Variants in NUDCD1 observed in about 807,000 individuals in gnomAD.
NUDCD1 encodes NudC domain containing 1.
A neutral mutation model predicts 67.8 loss-of-function variants in NUDCD1; 60 were observed. The ratio of observed to expected loss-of-function variants is 0.88; its 90% confidence interval spans 0.72 to 1.10. The LOEUF (loss-of-function observed/expected upper bound fraction) is 1.10, where lower values mean the gene tolerates loss of function less well. Ranked by LOEUF, NUDCD1 falls within the 50% of genes least tolerant of loss-of-function variation. The pLI, the probability that NUDCD1 is intolerant of heterozygous loss-of-function variation, is 0.00. For synonymous variants in NUDCD1, 244 were observed against 230.8 expected (o/e 1.06, Z -0.52); for missense variants, 643 against 695.0 (o/e 0.93, Z 0.84).
chr8:109,304,512 T>C (rs1363711443), intron 2 of NUDCD1, among the ~76,000 whole-genome samples: 1 of 152,200 alleles, frequency 6.6e-6, no homozygotes, highest in Non-Finnish European at 1.5e-5. Context: ...CTCAGCAAGC[T>C]GAACTCATTG....
chr8:109,251,976 T>C (rs138312371), intron 8 of NUDCD1, among the ~76,000 whole-genome samples: 1 of 152,312 alleles, frequency 6.6e-6, no homozygotes, highest in East Asian at 1.9e-4. Context: ...ATGTTTTAAC[T>C]TTCCTTTTGA....
At chr8:109,299,607 A>G (rs1814927221) in intron 2 of NUDCD1, among the ~76,000 whole-genome samples, 1 of 152,146 alleles carries the variant, frequency 6.6e-6, no homozygotes, top group African/African-American at 2.4e-5. Context: ...GAAATGCCCA[A>G]GGAGAGCCTG....
intron 8 of NUDCD1, among the ~76,000 whole-genome samples, chr8:109,260,337 T>A (rs902735053): frequency 6.6e-6 from 1 of 152,160 alleles, no homozygotes; most frequent in African/African-American, 2.4e-5. Context: ...TAGGACTAGA[T>A]GTGTGCACCA....
intron 2 of NUDCD1, among the ~76,000 whole-genome samples, chr8:109,320,914 T>C (rs1445951983): frequency 6.6e-6 from 1 of 151,998 alleles, no homozygotes; most frequent in African/African-American, 2.4e-5. Context: ...ACCTACCACA[T>C]CTGGAAAGAC....
chr8:109,333,100 T>G (rs778288653), intron 1 of NUDCD1, among the ~76,000 whole-genome samples: 7 of 152,262 alleles, frequency 4.6e-5, no homozygotes, highest in African/African-American at 7.2e-5. Flanking sequence ...TAAATATTTC[T>G]GAATTTAATA....
intron 8 of NUDCD1, among the ~76,000 whole-genome samples, chr8:109,261,169 C>A (rs767020378): frequency 1.3e-5 from 2 of 152,074 alleles, no homozygotes; most frequent in African/African-American, 2.4e-5. Flanking sequence ...GCCTATATGA[C>A]AGCATGCAAT....
chr8:109,288,374 A>C (rs1814623694), intron 5 of NUDCD1, among the ~76,000 whole-genome samples: 1 of 152,246 alleles, frequency 6.6e-6, no homozygotes, highest in Admixed American at 6.5e-5. Flanking sequence ...GGAATTCTAA[A>C]GACACATGAT....
chr8:109,274,108 G>T (rs114316792), intron 7 of NUDCD1, among the ~76,000 whole-genome samples: 1,687 of 152,096 alleles, frequency 0.011, 47 homozygotes, highest in African/African-American at 0.039. Flanking sequence ...GATAAAAGTC[G>T]ATTATTTTCC....
chr8:109,318,417 T>C (rs1815454050), intron 2 of NUDCD1, among the ~76,000 whole-genome samples: 2 of 152,226 alleles, frequency 1.3e-5, no homozygotes, highest in South Asian at 4.1e-4. Context: ...TTCATGCACA[T>C]ACACACAGAA....
chr8:109,333,381 C>T (rs764309177), intron 1 of NUDCD1, among the ~76,000 whole-genome samples: 9 of 152,198 alleles, frequency 5.9e-5, no homozygotes, highest in Non-Finnish European at 1.0e-4. Flanking sequence ...GAGATGTTCT[C>T]TACCAGAGTT....
rs755744660 is a variant in NUDCD1, at chr8:109,296,444, A to G, written c.399T>C (p.Thr133=). 3.1e-6 allele frequency: 5 copies of G among 1,613,736 alleles called. No individual in the cohort carries two copies. In the South Asian group the frequency reaches 4.4e-5, roughly 14 times the overall value. Reference sequence around the variant, plus strand: ...CTGTTCCAATGACATACAATCTTCCAGTTCCATCTGACAAGGTAACCCAGG... The same window carrying G: ...CTGTTCCAATGACATACAATCTTCCGGTTCCATCTGACAAGGTAACCCAGG... ...SSTWVTLSDG[T]GRLYVIGTGE... is the part of the protein sequence containing the mutation. Residue 133 remains threonine, a synonymous_variant, in exon 3 of 10, where the codon ACT becomes ACC. Transcript: ENST00000239690.
At chr8:109,271,389 T>A (rs138334499) in intron 7 of NUDCD1, among the ~76,000 whole-genome samples, 51 of 152,136 alleles carry the variant, frequency 3.4e-4, no homozygotes, top group African/African-American at 1.2e-3. Flanking sequence ...AAGAGAGAGA[T>A]GAAAGAACCA....
intron 8 of NUDCD1, among the ~76,000 whole-genome samples, chr8:109,270,070 G>T (rs1320205715): frequency 1.9e-5 from 1 of 53,466 alleles, no homozygotes; most frequent in African/African-American, 8.3e-5. Flanking sequence ...GCGGGGGCGG[G>T]GGGGGGGGGG....
At chr8:109,246,672 CTTT>C (rs1252115995) in intron 8 of NUDCD1, among the ~76,000 whole-genome samples, 1 of 152,178 alleles carries the variant, frequency 6.6e-6, no homozygotes, top group East Asian at 1.9e-4. Flanking sequence ...GGATAGTCTT[CTTT>C]ATGAGAAATG....
At chr8:109,303,554 C>T (rs548295488) in intron 2 of NUDCD1, among the ~76,000 whole-genome samples, 11 of 152,190 alleles carry the variant, frequency 7.2e-5, no homozygotes, top group Middle Eastern at 3.4e-3. Context: ...TCACCTGCCC[C>T]GCTCCCTTAT....
chr8:109,314,935 C>T (rs1342747735), intron 2 of NUDCD1, among the ~76,000 whole-genome samples: 4 of 151,892 alleles, frequency 2.6e-5, no homozygotes, highest in Non-Finnish European at 5.9e-5. Flanking sequence ...GAAAGGGCTA[C>T]TCAAGTTTAA....
chr8:109,283,708 C>G (rs2926279), intron 5 of NUDCD1, among the ~76,000 whole-genome samples: 7,370 of 152,168 alleles, frequency 0.048, 646 homozygotes, highest in East Asian at 0.43. Flanking sequence ...GAAACAAAAT[C>G]TTTTCCAGAC....
chr8:109,279,513 T>C (rs1814379198), intron 6 of NUDCD1, among the ~76,000 whole-genome samples: 2 of 152,356 alleles, frequency 1.3e-5, no homozygotes, highest in Non-Finnish European at 2.9e-5. Flanking sequence ...AGATGAATAC[T>C]GTGAATATTT....
intron 2 of NUDCD1, among the ~76,000 whole-genome samples, chr8:109,304,003 C>T (rs1489574142): frequency 6.6e-6 from 1 of 152,044 alleles, no homozygotes; most frequent in African/African-American, 2.4e-5. Flanking sequence ...TCCTCAATAC[C>T]TCCCCTCCAC....
Sources: allele counts gnomAD v4.1 joint callset (sites outside exome capture counted in the v4.1 genomes callset), GRCh38; gene constraint gnomAD v4.1.1; transcripts MANE v1.5; gene names NCBI Gene and HGNC (gene_info 2026-07-23, HGNC 2026-07-21).